SMAGP: variants seen among roughly 807,000 people sequenced by gnomAD.
SMAGP encodes small cell adhesion glycoprotein, also known as small cell transmembrane and glycosylated protein.
A neutral mutation model predicts 10.1 loss-of-function variants in SMAGP; 7 were observed. The observed-to-expected ratio is 0.70, with a 90% CI of 0.40 to 1.31. The LOEUF (loss-of-function observed/expected upper bound fraction) is 1.31. Among genes scored for constraint, SMAGP ranks in the 50% most tolerant of loss-of-function variants. The pLI is 0.01. For missense variants in SMAGP, 113 were observed against 116.5 expected, an observed-to-expected ratio of 0.97 and a Z score of 0.14; for synonymous variants, 49 against 47.2, an observed-to-expected ratio of 1.04 and a Z score of -0.16.
At position 51,245,870 on chromosome 12, in the gene SMAGP, A is replaced by T; in HGVS notation, c.*71T>A. The T allele has an allele frequency of 6.6e-7, 1 of 1,515,884 alleles. No individual in the cohort carries two copies. Among genetic ancestry groups the T allele is most frequent in the Non-Finnish European group, 8.9e-7 (1 of 1,122,510 alleles). The allele number at this position is 1,515,884 out of a possible 1,614,324, so 93.9% of individuals were successfully genotyped here. A position where few individuals can be genotyped will look rare whatever the true frequency, so the allele number is the denominator to read the frequency against. On this transcript the variant is annotated 3_prime_UTR_variant, in exon 4 of 4. Transcript: ENST00000603798. ...ATGCTTCTCCCTGGCTTCAGAGAAA[A>T]CTTTCCCATAATAAGCAGTCAACGT...
intron 2 of SMAGP, among the ~76,000 whole-genome samples, chr12:51,254,171 A>G (rs1043287373): frequency 1.3e-5 from 2 of 152,186 alleles, no homozygotes; most frequent in South Asian, 2.1e-4. Context: ...TAAAATGGTC[A>G]ATTTTATGTT....
intron 2 of SMAGP, among the ~76,000 whole-genome samples, chr12:51,259,145 A>G (rs890762502): frequency 6.6e-6 from 1 of 152,160 alleles, no homozygotes; most frequent in Non-Finnish European, 1.5e-5. Context: ...AAAAATATAT[A>G]TTGAACTTCA....
chr12:51,264,166 CAG>C (rs903084036), intron 2 of SMAGP, among the ~76,000 whole-genome samples: 6 of 152,062 alleles, frequency 3.9e-5, no homozygotes, highest in African/African-American at 9.7e-5. Context: ...AAATGCAAGA[CAG>C]GGGTAGAAGA....
chr12:51,255,847 T>C (rs1404172106), intron 2 of SMAGP, among the ~76,000 whole-genome samples: 1 of 152,110 alleles, frequency 6.6e-6, no homozygotes, highest in Non-Finnish European at 1.5e-5. Flanking sequence ...TCTCAGCTTA[T>C]TGCAGCCTCC....
chr12:51,246,012 C>CCATCTGGACGATGA lies in SMAGP; in HGVS notation c.222_223insTCATCGTCCAGATG (p.Glu75SerfsTer46), dbSNP rs769895108. The CCATCTGGACGATGA allele has an allele frequency of 1.9e-5, 31 of 1,613,952 alleles. No homozygotes were observed. The highest frequency in any genetic ancestry group is 2.5e-5 in the Non-Finnish European group (29 of 1,179,886). On this transcript the variant is annotated frameshift_variant, in exon 4 of 4. Transcript: ENST00000603798. LOFTEE classifies it high-confidence loss of function. ...TCCATCTGGACGATGGCACTGGGCT[C>CCATCTGGACGATGA]ACCTTCTGTAGGTTCATAGGTGACG...
intron 2 of SMAGP, chr12:51,251,398 T>C (rs1338541041): frequency 2.4e-5 from 3 of 124,756 alleles, no homozygotes; most frequent in African/African-American, 6.2e-5. Flanking sequence ...CTGGGCAACA[T>C]AGCCAGACTC....
intron 2 of SMAGP, 115 bp downstream of exon 2, chr12:51,269,130 G>A (rs888294231): frequency 2.7e-6 from 3 of 1,121,746 alleles, no homozygotes; most frequent in Non-Finnish European, 4.0e-6. Flanking sequence ...CCTGTGTGAG[G>A]CAGGCAGAGA....
chr12:51,257,006 C>T (rs1056758527), intron 2 of SMAGP, among the ~76,000 whole-genome samples: 55 of 151,968 alleles, frequency 3.6e-4, no homozygotes, highest in African/African-American at 1.3e-3. Flanking sequence ...GATACAAACC[C>T]GTAATTTAGG....
chr12:51,268,265 G>A (rs1944994531), intron 2 of SMAGP, among the ~76,000 whole-genome samples: 1 of 151,920 alleles, frequency 6.6e-6, no homozygotes. Flanking sequence ...ACGTGACTGA[G>A]TGCTTACGAG....
intron 2 of SMAGP, among the ~76,000 whole-genome samples, chr12:51,261,460 C>T (rs185579871): frequency 6.6e-6 from 1 of 151,872 alleles, no homozygotes; most frequent in African/African-American, 2.4e-5. Flanking sequence ...CAAGAGAAAG[C>T]CCAGAGAAAA....
At chr12:51,246,651 C>T in intron 3 of SMAGP, 100 bp downstream of exon 3, 1 of 547,050 alleles carries the variant, frequency 1.8e-6, no homozygotes, top group Non-Finnish European at 2.9e-6. Flanking sequence ...ATATAACTTA[C>T]AAGCCAGAGT....
chr12:51,248,019 G>A (rs1422053976), intron 2 of SMAGP, among the ~76,000 whole-genome samples: 1 of 152,184 alleles, frequency 6.6e-6, no homozygotes, highest in Admixed American at 6.5e-5. Context: ...CACATTCTAG[G>A]CAGAGAGAAG....
chr12:51,269,399 G>A (rs1396837245), intron 1 of SMAGP, 83 bp from the exon 2 acceptor site: 14 of 1,094,966 alleles, frequency 1.3e-5, no homozygotes, highest in Non-Finnish European at 1.9e-5. Flanking sequence ...AAAGCCTCTG[G>A]TGCCAGGTTC....
chr12:51,257,702 A>C (rs1311728315), intron 2 of SMAGP, among the ~76,000 whole-genome samples: 1 of 151,940 alleles, frequency 6.6e-6, no homozygotes, highest in African/African-American at 2.4e-5. Flanking sequence ...CCACCACTAC[A>C]CTTGGCTAAT....
In SMAGP at chr12:51,270,401, G is replaced by T. The variant is rs1263830342; in HGVS notation, c.-184C>A. 1.7e-5 allele frequency: 4 copies of T among 236,520 alleles called. No homozygotes were observed. Among genetic ancestry groups the T allele is most frequent in the Non-Finnish European group, 3.2e-5 (4 of 123,170 alleles). 14.7% of individuals were successfully genotyped at this position (236,520 alleles called of 1,614,324 possible). A position where few individuals can be genotyped will look rare whatever the true frequency, so the allele number is the denominator to read the frequency against. ...GCGGAGGAAGCCGCGGGTGGCGCGC[G>T]GGGTTGGCGCAGAGGCCGGAGGGGG... On this transcript the variant is annotated 5_prime_UTR_variant, in exon 1 of 4. Transcript: ENST00000603798.
At chr12:51,253,512 G>A (rs541911284) in intron 2 of SMAGP, 1 of 151,912 alleles carries the variant, frequency 6.6e-6, no homozygotes, top group Admixed American at 6.6e-5. Context: ...TAAATAAAAG[G>A]TGAAATAACC....
At chr12:51,270,102 C>CG (rs1038799781) in intron 1 of SMAGP, 154 bp downstream of exon 1, 16 of 151,962 alleles carry the variant, frequency 1.1e-4, no homozygotes, top group African/African-American at 3.9e-4. Context: ...GCCGGTGCGT[C>CG]GGGGAGCGGC....
intron 1 of SMAGP, chr12:51,270,021 C>CCCCCGT (rs1185617376): frequency 2.9e-4 from 44 of 151,766 alleles, no homozygotes; most frequent in Admixed American, 7.9e-4. Flanking sequence ...CGCGGCCCCG[C>CCCCCGT]CCCCGTCCCC....
intron 2 of SMAGP, among the ~76,000 whole-genome samples, chr12:51,254,007 G>A (rs1944865139): frequency 6.6e-6 from 1 of 152,180 alleles, no homozygotes; most frequent in Non-Finnish European, 1.5e-5. Context: ...GATTGTAAGG[G>A]GCTGGAGAAG....
Sources: allele counts gnomAD v4.1 joint callset (sites outside exome capture counted in the v4.1 genomes callset), GRCh38; gene constraint gnomAD v4.1.1; transcripts MANE v1.5; gene names NCBI Gene and HGNC (gene_info 2026-07-23, HGNC 2026-07-21).